Variants in MRPS28 observed in about 807,000 individuals in gnomAD.
MRPS28 encodes small ribosomal subunit protein bS1m.
MRPS28 carries 7 observed loss-of-function variants against 10.8 expected under a neutral mutation model. The observed-to-expected ratio is 0.65, with a 90% CI of 0.37 to 1.22. The LOEUF is 1.22. Among genes scored for constraint, MRPS28 ranks in the 50% most tolerant of loss-of-function variants. The pLI, the probability that MRPS28 is intolerant of heterozygous loss-of-function variation, is 0.02. For synonymous variants in MRPS28, 121 were observed against 93.3 expected (o/e 1.30, Z -1.71); for missense variants, 265 against 232.9 (o/e 1.14, Z -0.90).
rs980747138 is a variant in MRPS28, at chr8:80,007,685, G to C, written c.214-4505C>G. ...CTCCCATTCACAATTGCTTCAAAGA[G>C]AATAAAATACCTAGGAATCCAACTT... On this transcript the variant is annotated intron_variant, in intron 1 of 2. Transcript: ENST00000276585. Among the ~76,000 whole-genome samples the C allele has an allele frequency of 3.3e-5, 5 of 152,198 alleles. No individual in the cohort carries two copies. The East Asian group carries it at 7.7e-4, about 23-fold the overall frequency.
intron 2 of MRPS28, among the ~76,000 whole-genome samples, chr8:79,985,514 T>C (rs892978998): frequency 6.6e-5 from 10 of 151,924 alleles, no homozygotes; most frequent in Non-Finnish European, 1.2e-4. Flanking sequence ...ATCAACAAAA[T>C]TGATAGACCG....
intron 1 of MRPS28, among the ~76,000 whole-genome samples, chr8:80,027,626 G>C (rs1809525455): frequency 6.6e-6 from 1 of 152,216 alleles, no homozygotes; most frequent in Non-Finnish European, 1.5e-5. Context: ...GTAATGACCT[G>C]AACCAGGGAG....
intron 1 of MRPS28, among the ~76,000 whole-genome samples, chr8:80,026,572 G>C (rs1470417781): frequency 6.6e-6 from 1 of 152,204 alleles, no homozygotes; most frequent in Admixed American, 6.5e-5. Context: ...ATGGGTCAAG[G>C]ACTGTGCTAG....
At chr8:80,002,855 C>A in intron 2 of MRPS28, 144 bp downstream of exon 2, 1 of 642,500 alleles carries the variant, frequency 1.6e-6, no homozygotes, top group Non-Finnish European at 2.4e-6. Flanking sequence ...ATTTTTAAAG[C>A]ACTTCAGACT....
At chr8:79,953,419 A>G (rs1807127939) in intron 2 of MRPS28, among the ~76,000 whole-genome samples, 1 of 152,204 alleles carries the variant, frequency 6.6e-6, no homozygotes, top group African/African-American at 2.4e-5. Context: ...ACAGCCATTT[A>G]TAGGCCTTTA....
At chr8:80,025,862 T>C (rs1809482418) in intron 1 of MRPS28, among the ~76,000 whole-genome samples, 1 of 152,204 alleles carries the variant, frequency 6.6e-6, no homozygotes, top group Admixed American at 6.5e-5. Context: ...GAATTTACAC[T>C]CTTTAACTGT....
At chr8:79,956,415 G>A (rs1468249541) in intron 2 of MRPS28, 1 of 151,912 alleles carries the variant, frequency 6.6e-6, no homozygotes, top group East Asian at 1.9e-4. Flanking sequence ...TTTTACTCAA[G>A]AAAGCACAAA....
chr8:79,975,069 G>A (rs1005994620), intron 2 of MRPS28, among the ~76,000 whole-genome samples: 10 of 152,098 alleles, frequency 6.6e-5, no homozygotes, highest in Admixed American at 6.6e-4. Context: ...AGGACTGGCT[G>A]AGCCCAGGAT....
intron 1 of MRPS28, among the ~76,000 whole-genome samples, chr8:80,022,483 C>G (rs570655074): frequency 5.3e-5 from 8 of 152,274 alleles, no homozygotes; most frequent in African/African-American, 1.9e-4. Context: ...TCAGAGAATC[C>G]AACCATCTCA....
intron 2 of MRPS28, among the ~76,000 whole-genome samples, chr8:79,944,701 C>CTTTTTTTTTT (rs57397948): frequency 7.3e-6 from 1 of 137,636 alleles, no homozygotes; most frequent in Non-Finnish European, 1.5e-5. Flanking sequence ...TTTCTTTTTT[C>CTTTTTTTTTT]TTTTTTTTTT....
At chr8:79,932,562 C>A (rs1316571421) in intron 2 of MRPS28, among the ~76,000 whole-genome samples, 2 of 152,062 alleles carry the variant, frequency 1.3e-5, no homozygotes, top group African/African-American at 4.8e-5. Context: ...CCAAAGTAAA[C>A]GGTTTGGGGT....
chr8:79,974,023 G>A (rs1405056117), intron 2 of MRPS28, among the ~76,000 whole-genome samples: 2 of 152,140 alleles, frequency 1.3e-5, no homozygotes, highest in Middle Eastern at 3.4e-3. Flanking sequence ...GGGATTACAG[G>A]CATGAGCCAC....
At chr8:79,945,678 T>C (rs1482034324) in intron 2 of MRPS28, among the ~76,000 whole-genome samples, 1 of 152,206 alleles carries the variant, frequency 6.6e-6, no homozygotes, top group African/African-American at 2.4e-5. Context: ...GTGGCAGACA[T>C]GTTACAGAAA....
At chr8:80,023,401 T>A (rs1213535641) in intron 1 of MRPS28, among the ~76,000 whole-genome samples, 1 of 152,122 alleles carries the variant, frequency 6.6e-6, no homozygotes, top group East Asian at 1.9e-4. Context: ...TTCCCTATTA[T>A]ATTGAAATAA....
chr8:80,030,028 G>A lies in MRPS28; in HGVS notation c.213+8C>T. 6.2e-7 allele frequency: 1 copy of A among 1,611,984 alleles called. No homozygotes were observed. The highest frequency in any genetic ancestry group is 8.5e-7 in the Non-Finnish European group (1 of 1,179,042). On this transcript the variant is annotated splice_region_variant and intron_variant, in intron 1 of 2. Coordinates refer to ENST00000276585, the MANE Select transcript of MRPS28 (RefSeq NM_014018.3). The stretch of plus-strand genomic sequence containing the variant: ...CCCGCGACTCCCTCTCACCCGCCCG[G>A]GCTCCACCTTCTGTAGGGGCTCCAC...
chr8:79,934,868 TA>T (rs1427904828), intron 2 of MRPS28, among the ~76,000 whole-genome samples: 1 of 152,016 alleles, frequency 6.6e-6, no homozygotes, highest in African/African-American at 2.4e-5. Context: ...TAGCAATTAT[TA>T]AAAAAAATGG....
intron 2 of MRPS28, among the ~76,000 whole-genome samples, chr8:79,959,784 T>C (rs1807326918): frequency 6.6e-6 from 1 of 152,156 alleles, no homozygotes; most frequent in Admixed American, 6.6e-5. Flanking sequence ...TTAAGAGCTG[T>C]ATACTTCATA....
intron 1 of MRPS28, among the ~76,000 whole-genome samples, chr8:80,012,934 A>C (rs1371704262): frequency 1.3e-5 from 2 of 152,220 alleles, no homozygotes; most frequent in Non-Finnish European, 2.9e-5. Context: ...GACATCAACT[A>C]ATCCAACTAC....
At chr8:80,021,608 A>C (rs1586102627) in intron 1 of MRPS28, among the ~76,000 whole-genome samples, 1 of 152,160 alleles carries the variant, frequency 6.6e-6, no homozygotes, top group African/African-American at 2.4e-5. Context: ...AGGCATGTGG[A>C]ACTTTACTTC....
Sources: allele counts gnomAD v4.1 joint callset (sites outside exome capture counted in the v4.1 genomes callset), GRCh38; gene constraint gnomAD v4.1.1; transcripts MANE v1.5; gene names NCBI Gene and HGNC (gene_info 2026-07-23, HGNC 2026-07-21).